TCF4: variants seen among roughly 807,000 people sequenced by gnomAD.
TCF4 encodes the protein SL3-3 enhancer factor 2.
TCF4 carries 3 observed loss-of-function variants against 82.1 expected under a neutral mutation model. The ratio of observed to expected loss-of-function variants is 0.04; its 90% confidence interval spans 0.02 to 0.09. TCF4 has a LOEUF of 0.09. Among genes scored for constraint, TCF4 ranks in the 10% least tolerant of loss-of-function variants. The pLI is 1.00. For synonymous variants in TCF4, 276 were observed against 309.6 expected (o/e 0.89, Z 1.14); for missense variants, 518 against 852.7 (o/e 0.61, Z 4.89).
intron 3 of TCF4, among the ~76,000 whole-genome samples, chr18:55,512,348 T>C (rs956927308): frequency 2.0e-5 from 3 of 152,154 alleles, no homozygotes; most frequent in Non-Finnish European, 4.4e-5. Flanking sequence ...TTCAAGGACA[T>C]TGGAAAATAT....
chr18:55,368,509 A>T (rs1319406247), intron 6 of TCF4, among the ~76,000 whole-genome samples: 2 of 151,962 alleles, frequency 1.3e-5, no homozygotes, highest in Non-Finnish European at 2.9e-5. Flanking sequence ...TGGTCTTCTT[A>T]AAAAAAACAA....
chr18:55,297,629 C>T (rs1601791967), intron 8 of TCF4, among the ~76,000 whole-genome samples: 2 of 152,226 alleles, frequency 1.3e-5, no homozygotes, highest in East Asian at 3.9e-4. Flanking sequence ...GTGCTGGCAT[C>T]CTCTTTCCTC....
At chr18:55,547,602 G>T (rs1490448147) in intron 3 of TCF4, among the ~76,000 whole-genome samples, 2 of 152,100 alleles carry the variant, frequency 1.3e-5, no homozygotes, top group African/African-American at 4.8e-5. Context: ...AAATAAACAG[G>T]TGCACACTTT....
chr18:55,241,319 A>C (rs1345259927), intron 15 of TCF4, among the ~76,000 whole-genome samples: 1 of 152,236 alleles, frequency 6.6e-6, no homozygotes, highest in Non-Finnish European at 1.5e-5. Context: ...CCATAACTGG[A>C]GAGAGCTCAC....
At chr18:55,320,631 C>T (rs1279370327) in intron 8 of TCF4, among the ~76,000 whole-genome samples, 1 of 152,310 alleles carries the variant, frequency 6.6e-6, no homozygotes, top group East Asian at 1.9e-4. Flanking sequence ...CTGAACTGGG[C>T]CTTCCTGAAA....
At chr18:55,383,032 A>G (rs2092161544) in intron 6 of TCF4, among the ~76,000 whole-genome samples, 1 of 152,238 alleles carries the variant, frequency 6.6e-6, no homozygotes, top group Non-Finnish European at 1.5e-5. Flanking sequence ...GGAGGTCAGA[A>G]CATTCTGCTG....
At chr18:55,574,836 G>A (rs1037002824) in intron 3 of TCF4, among the ~76,000 whole-genome samples, 4 of 150,862 alleles carry the variant, frequency 2.7e-5, no homozygotes, top group African/African-American at 9.7e-5. Context: ...ATGAGTGGAC[G>A]AATGAATGTG....
intron 3 of TCF4, among the ~76,000 whole-genome samples, chr18:55,533,469 C>G (rs2097088428): frequency 6.6e-6 from 1 of 152,164 alleles, no homozygotes; most frequent in Non-Finnish European, 1.5e-5. Context: ...GTTCTCTGGG[C>G]ACACAGCTGG....
At chr18:55,365,643 T>C (rs1158614512) in intron 6 of TCF4, among the ~76,000 whole-genome samples, 1 of 152,170 alleles carries the variant, frequency 6.6e-6, no homozygotes, top group Non-Finnish European at 1.5e-5. Context: ...CTCATGCCTA[T>C]GATCCCAGCA....
intron 5 of TCF4, among the ~76,000 whole-genome samples, chr18:55,431,415 G>C (rs2095189456): frequency 6.6e-6 from 1 of 152,138 alleles, no homozygotes; most frequent in Non-Finnish European, 1.5e-5. Context: ...GAGTAGCTGG[G>C]ATTACAGGCA....
At chr18:55,604,250 C>A (rs554146008) in intron 2 of TCF4, among the ~76,000 whole-genome samples, 1 of 152,158 alleles carries the variant, frequency 6.6e-6, no homozygotes, top group African/African-American at 2.4e-5. Flanking sequence ...AAAGCCGATT[C>A]TTCCCTTTTT....
chr18:55,537,714 C>T (rs991537526), intron 3 of TCF4, among the ~76,000 whole-genome samples: 1 of 152,038 alleles, frequency 6.6e-6, no homozygotes, highest in Non-Finnish European at 1.5e-5. Flanking sequence ...ACATTAGTTG[C>T]AGTGGTCAAG....
intron 10 of TCF4, among the ~76,000 whole-genome samples, chr18:55,271,885 A>C (rs186499414): frequency 6.6e-6 from 1 of 152,210 alleles, no homozygotes; most frequent in Non-Finnish European, 1.5e-5. Flanking sequence ...AAAGAACAAA[A>C]AAAGAGATGA....
At chr18:55,383,721 A>C (rs982934327) in intron 6 of TCF4, among the ~76,000 whole-genome samples, 4 of 152,210 alleles carry the variant, frequency 2.6e-5, no homozygotes, top group African/African-American at 9.7e-5. Context: ...ACTGCATAAG[A>C]GATTCTGGAA....
In TCF4 at chr18:55,434,630, T is replaced by C. The variant is rs1200849767; in HGVS notation, c.304+26389A>G. Among the ~76,000 whole-genome samples the C allele has an allele frequency of 1.3e-5, 2 of 151,064 alleles. 1 individual carries two copies. The highest frequency in any genetic ancestry group is 3.0e-5 in the Non-Finnish European group (2 of 67,780). ...TTTTAGTAGAGACGGGGTTTCACCC[T>C]GTTAGCCAGGATGGTCTCAGTCTCC... is the stretch of plus-strand genomic sequence containing the variant. On this transcript the variant is annotated intron_variant, in intron 5 of 19. Coordinates refer to ENST00000354452, the MANE Select transcript of TCF4 (RefSeq NM_001083962.2).
chr18:55,580,863 C>T (rs778542729), intron 3 of TCF4, among the ~76,000 whole-genome samples: 5 of 151,566 alleles, frequency 3.3e-5, no homozygotes, highest in Non-Finnish European at 5.9e-5. Flanking sequence ...AGTTGTTTAA[C>T]ATCTGTCTCT....
intron 6 of TCF4, among the ~76,000 whole-genome samples, chr18:55,363,917 G>C (rs2086165034): frequency 1.3e-5 from 2 of 152,134 alleles, no homozygotes; most frequent in South Asian, 4.1e-4. Context: ...CCTAATAAAT[G>C]AAAAGCTCTT....
chr18:55,548,455 T>C (rs768605147), intron 3 of TCF4, among the ~76,000 whole-genome samples: 3 of 152,256 alleles, frequency 2.0e-5, no homozygotes, highest in Non-Finnish European at 2.9e-5. Context: ...TCCCCTGATT[T>C]TGATTCCTCT....
chr18:55,435,288 T>G (rs1270209408), intron 5 of TCF4, among the ~76,000 whole-genome samples: 1 of 152,248 alleles, frequency 6.6e-6, no homozygotes, highest in African/African-American at 2.4e-5. Flanking sequence ...TATCTGTAGT[T>G]ATCAGCTGAG....
Sources: gnomAD v4.1 joint callset for allele counts (sites outside exome capture counted in the v4.1 genomes callset) on GRCh38, gnomAD v4.1.1 for gene constraint, MANE v1.5 for transcripts, NCBI Gene and HGNC (gene_info 2026-07-23, HGNC 2026-07-21) for gene names.